SFI1: variants seen among roughly 807,000 people sequenced by gnomAD.
The protein encoded by SFI1 is SFI1 centrin binding protein.
Under a neutral mutation model 207.5 loss-of-function variants are expected in SFI1, and 195 were observed. The observed-to-expected ratio is 0.94, with a 90% CI of 0.84 to 1.06. The LOEUF is 1.06. Among genes scored for constraint, SFI1 ranks in the 50% least tolerant of loss-of-function variants. The pLI is 0.00. For synonymous variants in SFI1, 630 were observed against 598.9 expected, an observed-to-expected ratio of 1.05 and a Z score of -0.76; for missense variants, 1,634 against 1,588.0, an observed-to-expected ratio of 1.03 and a Z score of -0.49.
intron 18 of SFI1, among the ~76,000 whole-genome samples, 164 bp downstream of exon 18, chr22:31,603,983 G>A (rs2068540173): frequency 6.6e-6 from 1 of 152,152 alleles, no homozygotes; most frequent in Non-Finnish European, 1.5e-5. Context: ...GAGCTGATTT[G>A]GCTCAAAATT....
chr22:31,617,187 T>A, intron 31 of SFI1, 109 bp downstream of exon 31: 1 of 1,193,648 alleles, frequency 8.4e-7, no homozygotes, highest in Non-Finnish European at 1.2e-6. Flanking sequence ...GTCCTGTAGG[T>A]GGTCTCGGTC....
chr22:31,534,769 A>G (rs1405664993), intron 4 of SFI1, among the ~76,000 whole-genome samples: 6 of 150,874 alleles, frequency 4.0e-5, no homozygotes, highest in Admixed American at 1.3e-4. Flanking sequence ...GAGATTGTAA[A>G]CAAGGTTTTT....
At chr22:31,499,985 A>T (rs1304502529) in intron 1 of SFI1, among the ~76,000 whole-genome samples, 1 of 33,168 alleles carries the variant, frequency 3.0e-5, no homozygotes, top group Non-Finnish European at 6.3e-5. Flanking sequence ...ACTCCATCTT[A>T]AAAAAAAAAA....
At chr22:31,511,464 G>GTCTTT (rs1833611841) in intron 2 of SFI1, among the ~76,000 whole-genome samples, 1 of 114,558 alleles carries the variant, frequency 8.7e-6, no homozygotes, top group African/African-American at 3.1e-5. Context: ...CATAGTTTCT[G>GTCTTT]TTTTTTTTTT....
intron 13 of SFI1, 26 bp from the exon 14 acceptor site, chr22:31,585,042 T>TGAA (rs761340006): frequency 1.2e-6 from 2 of 1,608,230 alleles, no homozygotes. Context: ...ACTTGAAACC[T>TGAA]GAAGGTGTTC....
At chr22:31,556,865 G>A (rs1602648640) in intron 6 of SFI1, 77 bp from the exon 7 acceptor site, 1 of 936,614 alleles carries the variant, frequency 1.1e-6, no homozygotes. Flanking sequence ...TCAAAGGAGA[G>A]CCCTTGAGCT....
At chr22:31,617,684 G>A (rs1459374309) in intron 31 of SFI1, among the ~76,000 whole-genome samples, 2 of 150,808 alleles carry the variant, frequency 1.3e-5, no homozygotes, top group East Asian at 2.0e-4. Context: ...TCACGCCATT[G>A]CACTCCAGCC....
In SFI1 at chr22:31,550,150, A is replaced by G. The variant is rs1430661585; in HGVS notation, c.450-104A>G. 1.2e-5 allele frequency: 9 copies of G among 742,674 alleles called. No homozygotes were observed. In the East Asian group the frequency reaches 2.4e-4, roughly 19 times the overall value. 46.0% of individuals were successfully genotyped at this position (742,674 alleles called of 1,614,324 possible). A position where few individuals can be genotyped will look rare whatever the true frequency, so the allele number is the denominator to read the frequency against. ...CACCATATCGGCCAGGCTGGTCTTG[A>G]ACTCCTTGCCTTGGCCTCCCAAAGT... is the stretch of plus-strand genomic sequence containing the variant. On this transcript the variant is annotated intron_variant, in intron 5 of 32. Transcript: ENST00000400288.
chr22:31,528,306 C>G (rs1487279864), intron 2 of SFI1, among the ~76,000 whole-genome samples: 4 of 151,714 alleles, frequency 2.6e-5, no homozygotes, highest in African/African-American at 9.7e-5. Context: ...GTCCTAGTTG[C>G]CTAGTTGCTT....
At chr22:31,583,844 A>G (rs748220508) in intron 12 of SFI1, 31 bp from the exon 13 acceptor site, 46 of 1,583,398 alleles carry the variant, frequency 2.9e-5, no homozygotes, top group Middle Eastern at 1.7e-4. Context: ...TCATCTCAGT[A>G]CATTTCCATC....
At chr22:31,559,909 C>A (rs994315240) in intron 7 of SFI1, 11 of 634,522 alleles carry the variant, frequency 1.7e-5, no homozygotes, top group Non-Finnish European at 3.2e-5. Context: ...GCCACCATGG[C>A]TGTACCATGG....
intron 31 of SFI1, 113 bp downstream of exon 31, chr22:31,617,191 C>A: frequency 8.9e-7 from 1 of 1,126,608 alleles, no homozygotes; most frequent in Non-Finnish European, 1.3e-6. Flanking sequence ...TGTAGGTGGT[C>A]TCGGTCTAGC....
In SFI1 at chr22:31,551,662, C is replaced by T. The variant is rs932807702; in HGVS notation, c.544+1314C>T. On this transcript the variant is annotated intron_variant, in intron 6 of 32. Coordinates refer to ENST00000400288, the MANE Select transcript of SFI1 (RefSeq NM_001007467.3). ...CCCAGGCTGGTTTCAAACTCCTGGA[C>T]TAAAGCAATCCACCTGCCTCGCTCT... Among the ~76,000 whole-genome samples the T allele has an allele frequency of 2.6e-5, 4 of 152,298 alleles. 1 individual carries two copies. In the South Asian group the frequency reaches 8.3e-4, roughly 32 times the overall value.
intron 23 of SFI1, among the ~76,000 whole-genome samples, 171 bp from the exon 24 acceptor site, chr22:31,611,593 AGT>A (rs2070152699): frequency 6.6e-6 from 1 of 152,144 alleles, no homozygotes; most frequent in African/African-American, 2.4e-5. Flanking sequence ...GGACCTACAG[AGT>A]GAGTCCTCTA....
intron 27 of SFI1, chr22:31,614,529 G>C (rs575438834): frequency 1.5e-6 from 1 of 664,502 alleles, no homozygotes; most frequent in Non-Finnish European, 2.8e-6. Flanking sequence ...GGACCCTGGC[G>C]ACCTGTACAC....
chr22:31,613,179 G>T lies in SFI1; in HGVS notation c.2528G>T (p.Arg843Leu). 6.2e-7 allele frequency: 1 copy of T among 1,613,756 alleles called. No individual in the cohort carries two copies. The highest frequency in any genetic ancestry group is 8.5e-7 in the Non-Finnish European group (1 of 1,180,016). Residue 843 changes from arginine (R) to leucine (L), a missense_variant, in exon 25 of 33, where the codon CGG (arginine) becomes CTG (leucine). Arg to Leu is a moderately radical substitution (Grantham distance 102, BLOSUM62 -2). Coordinates refer to ENST00000400288, the MANE Select transcript of SFI1 (RefSeq NM_001007467.3). ...ARRQEQRATV[R>L]ALWFWAFSLQ... Reference sequence around the variant, plus strand: ...AGGCAGGAGCAGCGGGCGACAGTGCGGGCCCTGTGGTTCTGGGCCTTCTCG... The same window carrying T: ...AGGCAGGAGCAGCGGGCGACAGTGCTGGCCCTGTGGTTCTGGGCCTTCTCG...
chr22:31,502,669 C>T (rs573605783), intron 1 of SFI1, among the ~76,000 whole-genome samples: 20 of 152,212 alleles, frequency 1.3e-4, no homozygotes, highest in Admixed American at 2.6e-4. Flanking sequence ...CCACTGCGCC[C>T]GGCCAGGTTC....
chr22:31,520,123 G>T (rs1229249075), intron 2 of SFI1, among the ~76,000 whole-genome samples: 1 of 151,414 alleles, frequency 6.6e-6, no homozygotes, highest in Admixed American at 6.6e-5. Context: ...AAACAAGTGG[G>T]TGCCCTAGCG....
chr22:31,572,917 C>G (rs2145845406), intron 8 of SFI1, 141 bp from the exon 9 acceptor site: 1 of 782,784 alleles, frequency 1.3e-6, no homozygotes, highest in East Asian at 2.5e-5. Context: ...CATAGCTTAT[C>G]ATCCTGCTAG....
Sources: allele counts gnomAD v4.1 joint callset (sites outside exome capture counted in the v4.1 genomes callset), GRCh38; gene constraint gnomAD v4.1.1; transcripts MANE v1.5; gene names NCBI Gene and HGNC (gene_info 2026-07-23, HGNC 2026-07-21).